The following E2F8 variants were observed in gnomAD, a reference collection of about 807,000 sequenced individuals.
E2F8 encodes E2F transcription factor 8, also known as transcription factor E2F8.
A neutral mutation model predicts 80.8 loss-of-function variants in E2F8; 35 were observed. The observed-to-expected ratio is 0.43, with a 90% CI of 0.33 to 0.57. The LOEUF is 0.57. Among genes scored for constraint, E2F8 ranks in the 20% least tolerant of loss-of-function variants. The pLI, the probability that E2F8 is intolerant of heterozygous loss-of-function variation, is 0.04. For missense variants in E2F8, 975 were observed against 1,056.2 expected (o/e 0.92, Z 1.07); for synonymous variants, 386 against 395.0 (o/e 0.98, Z 0.27).
intron 2 of E2F8, among the ~76,000 whole-genome samples, chr11:19,239,257 A>G (rs1232803614): frequency 6.6e-6 from 1 of 152,196 alleles, no homozygotes; most frequent in Non-Finnish European, 1.5e-5. Flanking sequence ...AGTGGAACAC[A>G]GATATTTTCA....
At chr11:19,226,541 A>C (rs1420554518) in intron 10 of E2F8, among the ~76,000 whole-genome samples, 2 of 152,242 alleles carry the variant, frequency 1.3e-5, no homozygotes, top group African/African-American at 4.8e-5. Context: ...AAAGGGGGCT[A>C]AACTATTGGC....
intron 12 of E2F8, 95 bp from the exon 13 acceptor site, chr11:19,224,935 C>A: frequency 1.4e-6 from 2 of 1,414,386 alleles, no homozygotes; most frequent in Non-Finnish European, 1.9e-6. Flanking sequence ...GAATGTATTG[C>A]ACATTGGGAA....
chr11:19,231,889 G>A (rs539941263), intron 7 of E2F8, among the ~76,000 whole-genome samples: 15 of 152,178 alleles, frequency 9.9e-5, no homozygotes, highest in African/African-American at 3.1e-4. Flanking sequence ...CATGTGGGGC[G>A]GTGAGTAGGA....
intron 2 of E2F8, 123 bp downstream of exon 2, chr11:19,239,984 T>C: frequency 1.6e-6 from 1 of 631,648 alleles, no homozygotes; most frequent in Non-Finnish European, 2.5e-6. Flanking sequence ...TTCCAGGTCT[T>C]TACAGAGGCT....
rs1450263806 is a variant in E2F8, at chr11:19,226,057, C to T, written c.1894-193G>A. ...CTCCCACCCTTCCCAATGCTTGCCC[C>T]GAATAATGCAGAACATGTTTCTTAA... On this transcript the variant is annotated intron_variant, in intron 10 of 12. Transcript: ENST00000250024. 5.1e-5 allele frequency: 31 copies of T among 606,904 alleles called. 1 individual carries two copies. Among genetic ancestry groups the T allele is most frequent in the Non-Finnish European group, 7.2e-5 (25 of 349,064 alleles). The allele number at this position is 606,904 out of a possible 1,614,324, so 37.6% of individuals were successfully genotyped here.
chr11:19,227,690 T>G (rs1033749652), intron 10 of E2F8, among the ~76,000 whole-genome samples: 1 of 152,240 alleles, frequency 6.6e-6, no homozygotes, highest in Non-Finnish European at 1.5e-5. Context: ...ATACTTATCT[T>G]CTTTCCACCC....
At position 19,230,972 on chromosome 11, in the gene E2F8, A is replaced by G. The variant is rs150302041; in HGVS notation, c.1067-138T>C. On this transcript the variant is annotated intron_variant, in intron 7 of 12. Coordinates refer to ENST00000250024, the MANE Select transcript of E2F8 (RefSeq NM_024680.4). ...TGCCTGTCACTGTTCTAAGGGCTTT[A>G]CAGAGAAAGCCTTGTTTATCTTATT... is the stretch of plus-strand genomic sequence containing the variant. 3.9e-4 allele frequency: 275 copies of G among 708,588 alleles called. No individual in the cohort carries two copies. In the African/African-American group the frequency reaches 4.4e-3, roughly 11 times the overall value. 43.9% of individuals were successfully genotyped at this position (708,588 alleles called of 1,614,324 possible).
chr11:19,233,689 T>C (rs1056463596), intron 6 of E2F8, among the ~76,000 whole-genome samples: 1 of 151,796 alleles, frequency 6.6e-6, no homozygotes, highest in Non-Finnish European at 1.5e-5. Flanking sequence ...GGGGTTTCAC[T>C]GTGTTAGCCA....
rs1442283199 is a variant in E2F8 at position 19,224,216 on chromosome 11, C to T, written c.*442G>A. The stretch of plus-strand genomic sequence containing the variant: ...AGAAATTACAAAAAATATAGCTATA[C>T]CCCTATTTAAAAATACAACATTATA... On this transcript the variant is annotated 3_prime_UTR_variant, in exon 13 of 13. Transcript: ENST00000250024. 1 of 152,892 alleles carries T rather than the reference C, an allele frequency of 6.5e-6. No homozygotes were observed. Among genetic ancestry groups the T allele is most frequent in the Non-Finnish European group, 1.5e-5 (1 of 68,272 alleles). The allele number at this position is 152,892 out of a possible 1,614,324, so 9.5% of individuals were successfully genotyped here.
chr11:19,224,493 G>GTATA lies in E2F8; in HGVS notation c.*164_*165insTATA, dbSNP rs200475963. On this transcript the variant is annotated 3_prime_UTR_variant, in exon 13 of 13. Coordinates refer to ENST00000250024, the MANE Select transcript of E2F8 (RefSeq NM_024680.4). Reference sequence around the variant, plus strand: ...TATGTGTGTGTGTGTGTGTGTGTGTGTGTGTATATATATATATGTATGAAA... The same window carrying GTATA: ...TATGTGTGTGTGTGTGTGTGTGTGTGTATATGTGTATATATATATATGTATGAAA... 5 of 504,730 alleles carry GTATA rather than the reference G, an allele frequency of 9.9e-6. No homozygotes were observed. Among genetic ancestry groups the GTATA allele is most frequent in the Non-Finnish European group, 1.7e-5 (5 of 287,804 alleles). The allele number at this position is 504,730 out of a possible 1,614,324, so 31.3% of individuals were successfully genotyped here.
chr11:19,226,354 A>C (rs946646962), intron 10 of E2F8, among the ~76,000 whole-genome samples: 1 of 152,238 alleles, frequency 6.6e-6, no homozygotes, highest in Non-Finnish European at 1.5e-5. Context: ...AACAAAGTCA[A>C]ATGGTGTCTT....
At chr11:19,237,154 C>A (rs141960700) in intron 4 of E2F8, among the ~76,000 whole-genome samples, 160 bp downstream of exon 4, 17 of 152,326 alleles carry the variant, frequency 1.1e-4, no homozygotes, top group African/African-American at 3.8e-4. Context: ...TACTTACCTT[C>A]ATTCTTATAT....
intron 2 of E2F8, among the ~76,000 whole-genome samples, chr11:19,238,365 C>G (rs1851578377): frequency 6.6e-6 from 1 of 152,110 alleles, no homozygotes; most frequent in South Asian, 2.1e-4. Context: ...ATGTTTTCAC[C>G]TTATGTTTCA....
rs541607823 is a variant in E2F8, at chr11:19,234,783, T to C, written c.727A>G (p.Met243Val). Residue 243 changes from methionine (M) to valine (V), a missense_variant, in exon 5 of 13, where the codon ATG (methionine) becomes GTG (valine). Physicochemically the swap from Met to Val is conservative, Grantham distance 21 (BLOSUM62 1). Coordinates refer to ENST00000250024, the MANE Select transcript of E2F8 (RefSeq NM_024680.4). ...SNTGPNGHPD[M>V]CFVELPGVEF... is the part of the protein sequence containing the mutation. ...ACTCCAGGGAGTTCCACAAAACACA[T>C]GTCTGGGTGTCCATTTGGGCCAGTG... 765 of 1,613,994 alleles carry C rather than the reference T, an allele frequency of 4.7e-4. 6 individuals carry two copies. The South Asian group carries it at 7.1e-3, about 15-fold the overall frequency.
Position 19,232,377 on chromosome 11 carries a change from A to G in E2F8, c.929-6T>C, listed in dbSNP as rs570805907. ...ATACAACCTCCTAATTTTTGCTGGG[A>G]AAAAAAGTATATATACCACTTAATG... On this transcript the variant is annotated splice_region_variant and splice_polypyrimidine_tract_variant and intron_variant, in intron 6 of 12. Transcript: ENST00000250024. The G allele has an allele frequency of 3.1e-6, 5 of 1,607,324 alleles. No homozygotes were observed. In the East Asian group the frequency reaches 6.7e-5, roughly 22 times the overall value.
At chr11:19,234,320 A>AAGAATAG in intron 6 of E2F8, 40 bp downstream of exon 6, 1 of 1,606,084 alleles carries the variant, frequency 6.2e-7, no homozygotes, top group Non-Finnish European at 8.5e-7. Context: ...TTTATTGTTT[A>AAGAATAG]AGAATAGGTT....
chr11:19,238,638 A>AC (rs1851585084), intron 2 of E2F8, among the ~76,000 whole-genome samples: 3 of 152,240 alleles, frequency 2.0e-5, no homozygotes, highest in African/African-American at 7.2e-5. Context: ...GGTGCTAAAT[A>AC]AAATACCACT....
intron 10 of E2F8, among the ~76,000 whole-genome samples, chr11:19,227,927 A>C (rs753891920): frequency 6.6e-6 from 1 of 152,164 alleles, no homozygotes; most frequent in Non-Finnish European, 1.5e-5. Context: ...GTCTCCACAA[A>C]AAATAAAAAA....
Position 19,225,720 on chromosome 11 carries a change from A to G in E2F8, c.2026+12T>C. 1 of 1,614,134 alleles carries G rather than the reference A, an allele frequency of 6.2e-7. No individual in the cohort carries two copies. Among genetic ancestry groups the G allele is most frequent in the South Asian group, 1.1e-5 (1 of 91,070 alleles). On this transcript the variant is annotated intron_variant, in intron 11 of 12. Transcript: ENST00000250024. ...CCGGCCCACATCTGGTTAGTGTTTT[A>G]TGTGCACTCACCTGCAATTGGGGAG...
Sources: allele counts gnomAD v4.1 joint callset (sites outside exome capture counted in the v4.1 genomes callset), GRCh38; gene constraint gnomAD v4.1.1; transcripts MANE v1.5; gene names NCBI Gene and HGNC (gene_info 2026-07-23, HGNC 2026-07-21).